The following PRKCA variants were observed in gnomAD, a reference collection of about 807,000 sequenced individuals.
The protein encoded by PRKCA is protein kinase C alpha type.
PRKCA carries 27 observed loss-of-function variants against 87.0 expected under a neutral mutation model. The observed-to-expected ratio is 0.31, with a 90% CI of 0.23 to 0.43. The LOEUF (loss-of-function observed/expected upper bound fraction) is 0.43, where lower values mean the gene tolerates loss of function less well. Ranked by LOEUF, PRKCA falls within the 20% of genes least tolerant of loss-of-function variation. The probability of loss-of-function intolerance (pLI) is 1.00; values close to 1 mark genes in which losing one functional copy is unlikely to be tolerated. For synonymous variants in PRKCA, 329 were observed against 311.1 expected (o/e 1.06, Z -0.61); for missense variants, 518 against 852.3 (o/e 0.61, Z 4.88).
At chr17:66,481,477 G>A (rs1173882015) in intron 2 of PRKCA, among the ~76,000 whole-genome samples, 2 of 152,062 alleles carry the variant, frequency 1.3e-5, no homozygotes, top group Non-Finnish European at 2.9e-5. Context: ...AGAGTGACAC[G>A]ATTGAATACT....
intron 5 of PRKCA, among the ~76,000 whole-genome samples, chr17:66,678,708 C>T (rs897713018): frequency 3.3e-5 from 5 of 150,904 alleles, no homozygotes; most frequent in South Asian, 2.1e-4. Context: ...ACAGGCTTCT[C>T]GTAGTATGCA....
At chr17:66,513,689 T>G (rs778135503) in intron 3 of PRKCA, among the ~76,000 whole-genome samples, 2 of 152,182 alleles carry the variant, frequency 1.3e-5, no homozygotes, top group African/African-American at 2.4e-5. Context: ...TGTTGTTAAG[T>G]AAATTGATGC....
intron 2 of PRKCA, among the ~76,000 whole-genome samples, chr17:66,470,061 G>A (rs529283273): frequency 1.3e-5 from 2 of 152,002 alleles, no homozygotes; most frequent in African/African-American, 2.4e-5. Flanking sequence ...TTTTTTTAGT[G>A]GGAAAATAAC....
chr17:66,634,868 C>T (rs1971111576), intron 3 of PRKCA, among the ~76,000 whole-genome samples: 1 of 152,140 alleles, frequency 6.6e-6, no homozygotes, highest in Admixed American at 6.5e-5. Context: ...TCATGTCAGT[C>T]CTCTGTGTGT....
chr17:66,604,191 T>G (rs187631157), intron 3 of PRKCA, among the ~76,000 whole-genome samples: 1 of 151,568 alleles, frequency 6.6e-6, no homozygotes, highest in South Asian at 2.1e-4. Context: ...AAAAAGCAAA[T>G]GGATAATAGC....
chr17:66,474,251 C>T (rs552769763), intron 2 of PRKCA, among the ~76,000 whole-genome samples: 1 of 152,258 alleles, frequency 6.6e-6, no homozygotes, highest in South Asian at 2.1e-4. Flanking sequence ...GTGCTATTGA[C>T]ATGCTCAGAA....
chr17:66,720,935 A>G (rs774789240), intron 8 of PRKCA, among the ~76,000 whole-genome samples: 4 of 152,182 alleles, frequency 2.6e-5, no homozygotes, highest in Non-Finnish European at 5.9e-5. Context: ...TTGAAGACAT[A>G]TTTACAAAAT....
At chr17:66,548,909 G>A (rs1379508975) in intron 3 of PRKCA, among the ~76,000 whole-genome samples, 4 of 151,956 alleles carry the variant, frequency 2.6e-5, no homozygotes, top group Non-Finnish European at 5.9e-5. Flanking sequence ...CCGGGCTCAA[G>A]CAATCTTCCT....
rs1913991609 is a variant in PRKCA at position 66,445,602 on chromosome 17, T to C, written c.206-50599T>C. 2.6e-5 allele frequency among the ~76,000 whole-genome samples: 4 copies of C among 152,176 alleles called. No individual in the cohort carries two copies. In the South Asian group the frequency reaches 8.3e-4, roughly 31 times the overall value. On this transcript the variant is annotated intron_variant, in intron 2 of 16. Coordinates refer to ENST00000413366, the MANE Select transcript of PRKCA (RefSeq NM_002737.3). ...CTAATCTCGTGGCCTTACTTGTGGC[T>C]AGGGAACCTGAGGTGATGCTCAGGA...
intron 2 of PRKCA, among the ~76,000 whole-genome samples, chr17:66,360,357 G>A (rs897457241): frequency 6.6e-6 from 1 of 152,146 alleles, no homozygotes; most frequent in Non-Finnish European, 1.5e-5. Flanking sequence ...GAAAGGCCTG[G>A]AGAGCATCAG....
intron 14 of PRKCA, chr17:66,774,462 A>G: frequency 1.3e-6 from 1 of 777,904 alleles, no homozygotes; most frequent in South Asian, 3.8e-5. Flanking sequence ...CTCTACTAAA[A>G]ATACAAAAAT....
At position 66,806,244 on chromosome 17, in the gene PRKCA, A is replaced by C. The variant is rs764882063; in HGVS notation, c.*2207A>C. On this transcript the variant is annotated 3_prime_UTR_variant, in exon 17 of 17. Transcript: ENST00000413366. ...TTTTCTCCTCTGGCTGTTTGCCTGA[A>C]GTTCACAGAACACACAACCATGAAA... is the stretch of plus-strand genomic sequence containing the variant. 3.3e-5 allele frequency: 5 copies of C among 152,364 alleles called. No homozygotes were observed. Among genetic ancestry groups the C allele is most frequent in the Non-Finnish European group, 7.3e-5 (5 of 68,132 alleles). 9.4% of individuals were successfully genotyped at this position (152,364 alleles called of 1,614,324 possible). A position where few individuals can be genotyped will look rare whatever the true frequency, so the allele number is the denominator to read the frequency against.
intron 5 of PRKCA, among the ~76,000 whole-genome samples, chr17:66,680,284 G>A (rs1336412755): frequency 1.3e-5 from 2 of 152,192 alleles, no homozygotes; most frequent in Non-Finnish European, 2.9e-5. Context: ...CTGGTGTGGA[G>A]TAGGATTCGA....
chr17:66,302,750 C>G lies in PRKCA; in HGVS notation c.-102C>G. 2 of 951,804 alleles carry G rather than the reference C, an allele frequency of 2.1e-6. No individual in the cohort carries two copies. The highest frequency in any genetic ancestry group is 4.9e-5 in the South Asian group (1 of 20,328). 59.0% of individuals were successfully genotyped at this position (951,804 alleles called of 1,614,324 possible). A position where few individuals can be genotyped will look rare whatever the true frequency, so the allele number is the denominator to read the frequency against. ...CGGCCACCGGCCCGCGCCCCGCGCC[C>G]GGGGTCGCCCCGAGCCCGCACCTCT... On this transcript the variant is annotated 5_prime_UTR_variant, in exon 1 of 17. Transcript: ENST00000413366.
intron 14 of PRKCA, chr17:66,774,685 G>C (rs1486526987): frequency 1.0e-6 from 1 of 986,404 alleles, no homozygotes; most frequent in Non-Finnish European, 1.2e-6. Context: ...CTTAAAACTG[G>C]GGTTGGGTTA....
At chr17:66,703,327 G>T (rs1973108934) in intron 8 of PRKCA, 1 of 151,452 alleles carries the variant, frequency 6.6e-6, no homozygotes, top group Non-Finnish European at 1.5e-5. Flanking sequence ...CCCTACACAG[G>T]TCAGGATCAT....
chr17:66,688,042 A>G (rs767678476), intron 6 of PRKCA, among the ~76,000 whole-genome samples: 2 of 152,218 alleles, frequency 1.3e-5, no homozygotes, highest in South Asian at 2.1e-4. Context: ...GCCATAGGCA[A>G]TATGTAAACA....
chr17:66,666,017 G>A (rs1377156708), intron 5 of PRKCA, among the ~76,000 whole-genome samples: 1 of 152,178 alleles, frequency 6.6e-6, no homozygotes, highest in Non-Finnish European at 1.5e-5. Flanking sequence ...TGACTGGGCA[G>A]TCCATCAGGA....
chr17:66,624,513 T>C (rs890561363), intron 3 of PRKCA, among the ~76,000 whole-genome samples: 4 of 152,110 alleles, frequency 2.6e-5, no homozygotes, highest in African/African-American at 9.7e-5. Flanking sequence ...TTTAAATGAA[T>C]TATTTGGCCA....
Sources: allele counts gnomAD v4.1 joint callset (sites outside exome capture counted in the v4.1 genomes callset), GRCh38; gene constraint gnomAD v4.1.1; transcripts MANE v1.5; gene names NCBI Gene and HGNC (gene_info 2026-07-23, HGNC 2026-07-21).